The following THRB variants were observed in gnomAD, a reference collection of about 807,000 sequenced individuals.
The protein encoded by THRB is thyroid hormone receptor beta, also known as nuclear receptor subfamily 1 group A member 2.
A neutral mutation model predicts 47.8 loss-of-function variants in THRB; 12 were observed. The observed-to-expected ratio is 0.25, with a 90% CI of 0.16 to 0.41. The LOEUF is 0.41. Among genes scored for constraint, THRB ranks in the 10% least tolerant of loss-of-function variants. The probability of loss-of-function intolerance (pLI) is 1.00; values close to 1 mark genes in which losing one functional copy is unlikely to be tolerated. For synonymous variants in THRB, 218 were observed against 212.2 expected (o/e 1.03, Z -0.24); for missense variants, 348 against 589.2 (o/e 0.59, Z 4.24).
intron 3 of THRB, among the ~76,000 whole-genome samples, chr3:24,294,623 G>T (rs2056283808): frequency 6.6e-6 from 1 of 152,174 alleles, no homozygotes; most frequent in Non-Finnish European, 1.5e-5. Context: ...CTAGAGAGGT[G>T]ACTCTGAGCG....
chr3:24,205,211 C>T (rs2045168738), intron 4 of THRB, among the ~76,000 whole-genome samples: 1 of 152,074 alleles, frequency 6.6e-6, no homozygotes. Flanking sequence ...TCAGATTCAC[C>T]AAAGTTGAAA....
At chr3:24,193,000 C>T (rs926859589) in intron 4 of THRB, among the ~76,000 whole-genome samples, 3 of 152,092 alleles carry the variant, frequency 2.0e-5, no homozygotes, top group Admixed American at 2.0e-4. Flanking sequence ...TTCTGATCCT[C>T]GCAAGAACAG....
intron 3 of THRB, among the ~76,000 whole-genome samples, chr3:24,270,679 T>C (rs1457020111): frequency 2.6e-5 from 4 of 152,336 alleles, no homozygotes; most frequent in South Asian, 2.1e-4. Context: ...GACAGTGTCC[T>C]GGAAATTTAC....
intron 4 of THRB, among the ~76,000 whole-genome samples, chr3:24,225,677 T>C (rs541378677): frequency 4.6e-5 from 7 of 152,330 alleles, no homozygotes; most frequent in African/African-American, 7.2e-5. Flanking sequence ...TTGGAACAAA[T>C]TTCCCTATGC....
chr3:24,326,159 A>G (rs559110740), intron 2 of THRB, among the ~76,000 whole-genome samples: 1 of 152,352 alleles, frequency 6.6e-6, no homozygotes, highest in African/African-American at 2.4e-5. Context: ...ATAAATAACT[A>G]GAATGATTGT....
At chr3:24,248,617 T>C (rs552914570) in intron 3 of THRB, among the ~76,000 whole-genome samples, 1 of 152,278 alleles carries the variant, frequency 6.6e-6, no homozygotes, top group African/African-American at 2.4e-5. Flanking sequence ...GGAAGAAGAC[T>C]GGAAGGTGAG....
intron 1 of THRB, among the ~76,000 whole-genome samples, chr3:24,468,361 C>A (rs1201719694): frequency 1.3e-5 from 2 of 152,188 alleles, no homozygotes; most frequent in African/African-American, 4.8e-5. Context: ...TCTTCAAGAA[C>A]TTTTCCTTTG....
chr3:24,220,908 C>T (rs4858592), intron 4 of THRB, among the ~76,000 whole-genome samples: 11,773 of 152,154 alleles, frequency 0.077, 822 homozygotes, highest in African/African-American at 0.19. Flanking sequence ...TCTGCTGTGG[C>T]GGCCCTGGGC....
At chr3:24,206,102 A>G (rs930454596) in intron 4 of THRB, among the ~76,000 whole-genome samples, 3 of 152,214 alleles carry the variant, frequency 2.0e-5, no homozygotes, top group African/African-American at 7.2e-5. Flanking sequence ...CGAGACAGAA[A>G]GTTAACAAGG....
chr3:24,154,849 A>G (rs528361721), intron 5 of THRB, among the ~76,000 whole-genome samples: 7 of 152,332 alleles, frequency 4.6e-5, no homozygotes, highest in African/African-American at 1.7e-4. Flanking sequence ...CTTAGTATCA[A>G]GTATGGAATG....
At chr3:24,199,611 T>A (rs1033959708) in intron 4 of THRB, among the ~76,000 whole-genome samples, 2 of 152,208 alleles carry the variant, frequency 1.3e-5, no homozygotes, top group African/African-American at 4.8e-5. Flanking sequence ...ACTATCCTAA[T>A]GAAAAACAAT....
intron 8 of THRB, among the ~76,000 whole-genome samples, chr3:24,141,484 A>G (rs903893905): frequency 2.0e-5 from 3 of 152,124 alleles, no homozygotes; most frequent in African/African-American, 7.2e-5. Context: ...CACACTGTTT[A>G]TTGCCTTCAT....
chr3:24,171,370 C>T (rs1273902627), intron 5 of THRB, among the ~76,000 whole-genome samples: 4 of 152,136 alleles, frequency 2.6e-5, no homozygotes, highest in African/African-American at 4.8e-5. Flanking sequence ...TTCCGGAGCA[C>T]CCAACTTTAA....
chr3:24,411,228 A>G (rs2068266857), intron 1 of THRB, among the ~76,000 whole-genome samples: 2 of 151,852 alleles, frequency 1.3e-5, no homozygotes, highest in South Asian at 4.1e-4. Flanking sequence ...GATTCATAGA[A>G]TGACGGTCTT....
At chr3:24,251,097 A>C (rs1298517005) in intron 3 of THRB, among the ~76,000 whole-genome samples, 3 of 152,138 alleles carry the variant, frequency 2.0e-5, no homozygotes, top group Non-Finnish European at 4.4e-5. Flanking sequence ...ATTATCTCCT[A>C]AACAACTCTT....
chr3:24,174,620 G>T (rs1336678043), intron 5 of THRB, among the ~76,000 whole-genome samples: 1 of 152,170 alleles, frequency 6.6e-6, no homozygotes, highest in Non-Finnish European at 1.5e-5. Context: ...TGTAGCTCCT[G>T]ACTACTTTCT....
At chr3:24,385,437 A>G (rs1577235788) in intron 1 of THRB, among the ~76,000 whole-genome samples, 1 of 151,620 alleles carries the variant, frequency 6.6e-6, no homozygotes, top group South Asian at 2.1e-4. Flanking sequence ...ACACACACAC[A>G]CGCACGGCAT....
intron 3 of THRB, among the ~76,000 whole-genome samples, chr3:24,284,340 C>G (rs978772431): frequency 6.6e-6 from 1 of 151,382 alleles, no homozygotes; most frequent in Non-Finnish European, 1.5e-5. Context: ...AAAGGATTCC[C>G]TATTTAATCA....
At chr3:24,310,287 C>T (rs548922270) in intron 2 of THRB, among the ~76,000 whole-genome samples, 18 of 152,246 alleles carry the variant, frequency 1.2e-4, no homozygotes, top group East Asian at 3.9e-4. Flanking sequence ...TGATAGGAAA[C>T]GATTTACCAA....
Sources: gnomAD v4.1 joint callset for allele counts (sites outside exome capture counted in the v4.1 genomes callset) on GRCh38, gnomAD v4.1.1 for gene constraint, MANE v1.5 for transcripts, NCBI Gene and HGNC (gene_info 2026-07-23, HGNC 2026-07-21) for gene names.